Variants in ADGRB3 observed in about 807,000 individuals in gnomAD.
ADGRB3 encodes the protein adhesion G protein-coupled receptor B3, also known as brain-specific angiogenesis inhibitor 3.
In ADGRB3, 37 loss-of-function variants were observed where a neutral mutation model predicts 193.4. That is an observed-to-expected ratio of 0.19 (90% CI 0.15 to 0.25). ADGRB3 has a LOEUF of 0.25. ADGRB3 is among the 10% of genes least tolerant of loss of function. ADGRB3 has a pLI of 1.00. For missense variants in ADGRB3, 1,637 were observed against 1,852.9 expected (o/e 0.88, Z 2.14); for synonymous variants, 690 against 644.2 (o/e 1.07, Z -1.08).
chr6:68,968,091 G>C (rs1385955401), intron 8 of ADGRB3, among the ~76,000 whole-genome samples: 1 of 150,174 alleles, frequency 6.7e-6, no homozygotes, highest in African/African-American at 2.5e-5. Flanking sequence ...TGCATGAAGA[G>C]AGGACGTTTT....
At chr6:69,075,637 T>A (rs185287528) in intron 16 of ADGRB3, among the ~76,000 whole-genome samples, 1 of 152,284 alleles carries the variant, frequency 6.6e-6, no homozygotes, top group East Asian at 1.9e-4. Context: ...TTGTGAATAC[T>A]GTAATCTTAA....
At chr6:68,768,966 A>G (rs1258951232) in intron 3 of ADGRB3, among the ~76,000 whole-genome samples, 1 of 152,258 alleles carries the variant, frequency 6.6e-6, no homozygotes, top group African/African-American at 2.4e-5. Flanking sequence ...CATTAGAGAA[A>G]TGCAAATCAA....
chr6:68,975,476 T>C lies in ADGRB3; in HGVS notation c.1734+136T>C, dbSNP rs916167050. 3 of 647,082 alleles carry C rather than the reference T, an allele frequency of 4.6e-6. No individual in the cohort carries two copies. In the African/African-American group the frequency reaches 5.5e-5, roughly 12 times the overall value. 40.1% of individuals were successfully genotyped at this position (647,082 alleles called of 1,614,324 possible). ...GAAATGCCTGAAGGAGAAAGCAATG[T>C]GATAGAAAGCTAATTTTTATAGGTC... On this transcript the variant is annotated intron_variant, in intron 10 of 31. Transcript: ENST00000370598.
At chr6:69,359,675 A>G (rs1769410981) in intron 28 of ADGRB3, among the ~76,000 whole-genome samples, 1 of 151,904 alleles carries the variant, frequency 6.6e-6, no homozygotes, top group Non-Finnish European at 1.5e-5. Flanking sequence ...ATAATAATGG[A>G]AAAAAATCAG....
In ADGRB3 at chr6:69,372,396, T is replaced by C. The variant is rs1304991797; in HGVS notation, c.4240-10T>C. ...GTTTTTCTCCTTCTTTTTAAAAATATATCTTACAGAGAAGAAAATCACGAT... is the reference window on the plus strand; with the variant it reads ...GTTTTTCTCCTTCTTTTTAAAAATACATCTTACAGAGAAGAAAATCACGAT... On this transcript the variant is annotated splice_polypyrimidine_tract_variant and intron_variant, in intron 29 of 31. Coordinates refer to ENST00000370598, the MANE Select transcript of ADGRB3 (RefSeq NM_001704.3). 2 of 1,345,546 alleles carry C rather than the reference T, an allele frequency of 1.5e-6. No homozygotes were observed. The highest frequency in any genetic ancestry group is 1.0e-6 in the Non-Finnish European group (1 of 983,774). 83.4% of individuals were successfully genotyped at this position (1,345,546 alleles called of 1,614,324 possible).
chr6:68,866,974 T>A (rs1765313413), intron 3 of ADGRB3, among the ~76,000 whole-genome samples: 1 of 152,082 alleles, frequency 6.6e-6, no homozygotes, highest in African/African-American at 2.4e-5. Flanking sequence ...AAAAGCAGAG[T>A]ATAAAAGTTT....
intron 3 of ADGRB3, among the ~76,000 whole-genome samples, chr6:68,784,552 T>C (rs1766922484): frequency 1.3e-5 from 2 of 152,182 alleles, no homozygotes; most frequent in African/African-American, 4.8e-5. Flanking sequence ...ATATACTTTT[T>C]TTCACTAGCA....
At chr6:69,095,545 T>C (rs1335815888) in intron 17 of ADGRB3, among the ~76,000 whole-genome samples, 2 of 152,202 alleles carry the variant, frequency 1.3e-5, no homozygotes, top group Non-Finnish European at 2.9e-5. Context: ...GCAAATGATA[T>C]TAAAGTCCAG....
chr6:69,310,445 TG>T (rs1429598190), intron 20 of ADGRB3, among the ~76,000 whole-genome samples: 1 of 151,736 alleles, frequency 6.6e-6, no homozygotes, highest in Non-Finnish European at 1.5e-5. Flanking sequence ...ATCAACTTTA[TG>T]GTAGTCCCTT....
At chr6:69,376,520 CACAG>C (rs1769824345) in intron 30 of ADGRB3, among the ~76,000 whole-genome samples, 1 of 143,388 alleles carries the variant, frequency 7.0e-6, no homozygotes, top group Admixed American at 6.7e-5. Flanking sequence ...CAAAAGAAGA[CACAG>C]ACACAGGGTA....
At chr6:69,230,129 A>G (rs553342978) in intron 17 of ADGRB3, among the ~76,000 whole-genome samples, 1 of 152,300 alleles carries the variant, frequency 6.6e-6, no homozygotes, top group African/African-American at 2.4e-5. Context: ...AAAATGACTT[A>G]ATGCCCAGAT....
chr6:69,262,091 A>G (rs1014172627), intron 20 of ADGRB3, among the ~76,000 whole-genome samples: 4 of 152,038 alleles, frequency 2.6e-5, no homozygotes, highest in Non-Finnish European at 5.9e-5. Context: ...AGTCATCCCT[A>G]TCTTGTCTTT....
intron 4 of ADGRB3, among the ~76,000 whole-genome samples, chr6:68,935,796 T>G (rs574118060): frequency 6.6e-6 from 1 of 152,318 alleles, no homozygotes; most frequent in South Asian, 2.1e-4. Flanking sequence ...ATTTAGACAT[T>G]CATTAGCTTT....
intron 26 of ADGRB3, among the ~76,000 whole-genome samples, chr6:69,343,150 A>T (rs9454733): frequency 0.037 from 4,953 of 135,454 alleles, 278 homozygotes; most frequent in African/African-American, 0.13. Context: ...TATTTTTTTT[A>T]TTTTTTTTTA....
At chr6:68,750,661 T>A (rs1766180605) in intron 3 of ADGRB3, among the ~76,000 whole-genome samples, 1 of 152,236 alleles carries the variant, frequency 6.6e-6, no homozygotes, top group Non-Finnish European at 1.5e-5. Flanking sequence ...TTATTTTTAA[T>A]GAGCTCTTTC....
chr6:68,674,979 A>G (rs1769054430), intron 3 of ADGRB3, among the ~76,000 whole-genome samples: 1 of 152,174 alleles, frequency 6.6e-6, no homozygotes, highest in Non-Finnish European at 1.5e-5. Context: ...GTTAAAGATT[A>G]TGTTTTGGAC....
intron 13 of ADGRB3, among the ~76,000 whole-genome samples, chr6:69,022,903 A>G (rs1239834230): frequency 6.6e-6 from 1 of 152,168 alleles, no homozygotes; most frequent in South Asian, 2.1e-4. Flanking sequence ...GATTTGTCCA[A>G]AGTTACAGTG....
At chr6:69,333,223 C>T (rs1768764985) in intron 24 of ADGRB3, among the ~76,000 whole-genome samples, 2 of 152,144 alleles carry the variant, frequency 1.3e-5, no homozygotes, top group South Asian at 2.1e-4. Context: ...TGAAGAAATT[C>T]GGAGTGTACT....
At chr6:68,707,646 T>C (rs1765347660) in intron 3 of ADGRB3, among the ~76,000 whole-genome samples, 1 of 152,214 alleles carries the variant, frequency 6.6e-6, no homozygotes, top group Non-Finnish European at 1.5e-5. Context: ...GAAATAATCT[T>C]TGTTCTTATT....
Sources: gnomAD v4.1 joint callset for allele counts (sites outside exome capture counted in the v4.1 genomes callset) on GRCh38, gnomAD v4.1.1 for gene constraint, MANE v1.5 for transcripts, NCBI Gene and HGNC (gene_info 2026-07-23, HGNC 2026-07-21) for gene names.